Variants in SORCS1 observed in about 807,000 individuals in gnomAD.
SORCS1 encodes the protein sortilin related VPS10 domain containing receptor 1, also known as VPS10 domain-containing receptor SorCS1.
SORCS1 carries 60 observed loss-of-function variants against 146.1 expected under a neutral mutation model. The observed-to-expected ratio is 0.41, with a 90% CI of 0.33 to 0.51. SORCS1 has a LOEUF of 0.51. Among genes scored for constraint, SORCS1 ranks in the 20% least tolerant of loss-of-function variants. The pLI is 0.21. For synonymous variants in SORCS1, 637 were observed against 584.0 expected (o/e 1.09, Z -1.31); for missense variants, 1,352 against 1,487.6 (o/e 0.91, Z 1.50).
At chr10:107,109,362 T>C (rs1965522428) in intron 1 of SORCS1, among the ~76,000 whole-genome samples, 1 of 152,236 alleles carries the variant, frequency 6.6e-6, no homozygotes, top group South Asian at 2.1e-4. Context: ...AGGCCAAGCC[T>C]CCTTTACTCA....
chr10:107,164,304 G>A lies in SORCS1; in HGVS notation c.223C>T (p.Arg75Cys), dbSNP rs1262994826. The change falls in exon 1 of 26, where the codon CGT (arginine) becomes TGT (cysteine). Residue 75 changes from arginine (R) to cysteine (C), a missense_variant. Coordinates refer to ENST00000263054, the MANE Select transcript of SORCS1 (RefSeq NM_052918.5). This position sits in a 1 kb window ranked among gnomAD's most constrained non-coding sequence, Gnocchi z 6.8. The stretch of plus-strand genomic sequence containing the variant: ...CCGGGGGCCACTGAGAACAGGGGAC[G>A]CACTACGAGGGGCAGGGGCGTGGCA... ...APATPLPLVV[R>C]PLFSVAPGDR... 3 of 1,581,634 alleles carry A rather than the reference G, an allele frequency of 1.9e-6. No individual in the cohort carries two copies. The highest frequency in any genetic ancestry group is 2.6e-6 in the Non-Finnish European group (3 of 1,168,212).
intron 18 of SORCS1, among the ~76,000 whole-genome samples, chr10:106,648,058 T>C (rs995187559): frequency 1.3e-5 from 2 of 152,004 alleles, no homozygotes; most frequent in Non-Finnish European, 2.9e-5. Flanking sequence ...TTTTATTTTT[T>C]TGGTAGTTGT....
intron 18 of SORCS1, among the ~76,000 whole-genome samples, chr10:106,636,620 G>A (rs1425886742): frequency 6.6e-6 from 1 of 152,114 alleles, no homozygotes; most frequent in Non-Finnish European, 1.5e-5. Flanking sequence ...TCACTATTAT[G>A]AAAACAGCAT....
intron 15 of SORCS1, among the ~76,000 whole-genome samples, chr10:106,672,023 G>C (rs1027056604): frequency 6.6e-6 from 1 of 152,170 alleles, no homozygotes; most frequent in Non-Finnish European, 1.5e-5. Flanking sequence ...CTAACGCAGG[G>C]CCCACTATCA....
chr10:106,600,349 T>A (rs1265032308), intron 23 of SORCS1: 2 of 975,156 alleles, frequency 2.1e-6, no homozygotes, highest in Non-Finnish European at 2.4e-6. Context: ...ACGTTTCATA[T>A]ATTTAACTTG....
intron 5 of SORCS1, among the ~76,000 whole-genome samples, chr10:106,750,491 G>A (rs374926858): frequency 2.0e-5 from 3 of 151,890 alleles, no homozygotes; most frequent in Non-Finnish European, 2.9e-5. Flanking sequence ...AGCACTTTGG[G>A]AGGCCGAGGC....
intron 2 of SORCS1, among the ~76,000 whole-genome samples, chr10:106,860,176 A>C (rs1163753910): frequency 6.6e-6 from 1 of 152,236 alleles, no homozygotes; most frequent in Admixed American, 6.5e-5. Flanking sequence ...AAAATGTATT[A>C]TATATCAGTT....
chr10:106,723,206 C>T (rs1855902559), intron 6 of SORCS1, among the ~76,000 whole-genome samples: 2 of 152,078 alleles, frequency 1.3e-5, no homozygotes, highest in Admixed American at 1.3e-4. Flanking sequence ...TCTAAGTTAT[C>T]TTTTGGACAT....
chr10:106,854,170 G>C (rs1014204331), intron 2 of SORCS1, among the ~76,000 whole-genome samples: 1 of 151,856 alleles, frequency 6.6e-6, no homozygotes, highest in Admixed American at 6.6e-5. Context: ...ATGTCTTCTT[G>C]GCATATTGAC....
At chr10:106,929,143 C>CAG (rs1178578345) in intron 2 of SORCS1, among the ~76,000 whole-genome samples, 1 of 152,152 alleles carries the variant, frequency 6.6e-6, no homozygotes, top group Non-Finnish European at 1.5e-5. Context: ...AGAACTGCTT[C>CAG]ATGTTCAAGG....
chr10:106,893,522 ATAAGT>A (rs1283405268), intron 2 of SORCS1, among the ~76,000 whole-genome samples: 1 of 152,218 alleles, frequency 6.6e-6, no homozygotes, highest in Non-Finnish European at 1.5e-5. Context: ...TATGAAATAA[ATAAGT>A]TAATGATGAA....
intron 2 of SORCS1, among the ~76,000 whole-genome samples, chr10:106,951,418 G>A (rs565029948): frequency 6.6e-6 from 1 of 151,062 alleles, no homozygotes; most frequent in South Asian, 2.1e-4. Flanking sequence ...GCTGAAGCAA[G>A]AGAATGGCGG....
rs147172683 is a variant in SORCS1, at chr10:106,863,422, C to A, written c.627-33749G>T. Among the ~76,000 whole-genome samples, 250 of 151,398 alleles carry A rather than the reference C, an allele frequency of 1.7e-3. 1 individual carries two copies. The highest frequency in any genetic ancestry group is 5.7e-3 in the African/African-American group (234 of 41,246). ...CACCTGTCATCTCAGCTACTCAGGA[C>A]ACTGAGGCAAGAGAATCACTTGAAC... is the stretch of plus-strand genomic sequence containing the variant. On this transcript the variant is annotated intron_variant, in intron 2 of 25. Transcript: ENST00000263054.
chr10:106,600,868 T>C (rs192949122), intron 23 of SORCS1: 123 of 234,998 alleles, frequency 5.2e-4, no homozygotes, highest in Non-Finnish European at 7.5e-4. Context: ...CAGAAGAGAG[T>C]TGGAGAGACG....
At chr10:106,726,875 A>G (rs1856235052) in intron 6 of SORCS1, among the ~76,000 whole-genome samples, 4 of 152,082 alleles carry the variant, frequency 2.6e-5, no homozygotes, top group Admixed American at 2.6e-4. Context: ...TCACGAGGTG[A>G]GGAGATCGAG....
chr10:106,761,202 T>C (rs2136249337), intron 5 of SORCS1, among the ~76,000 whole-genome samples: 1 of 152,312 alleles, frequency 6.6e-6, no homozygotes, highest in Non-Finnish European at 1.5e-5. Flanking sequence ...AACCTACTTA[T>C]TTAGACTGAA....
intron 1 of SORCS1, among the ~76,000 whole-genome samples, chr10:107,007,557 T>C (rs1357269032): frequency 6.6e-6 from 1 of 152,174 alleles, no homozygotes; most frequent in Non-Finnish European, 1.5e-5. Context: ...TCACGCCTCA[T>C]ACAACTGCCA....
chr10:106,970,336 C>CTTTTTTTTTTTTTTTTTTTTT lies in SORCS1; in HGVS notation c.559-13757_559-13756insAAAAAAAAAAAAAAAAAAAAA, dbSNP rs766818370. On this transcript the variant is annotated intron_variant, in intron 1 of 25. Transcript: ENST00000263054. Reference sequence around the variant, plus strand: ...TTCCCTCCAAATGTAACCAACATCTCTTTTTTTTTTTTTTTTTTTGAGATG... The same window carrying CTTTTTTTTTTTTTTTTTTTTT: ...TTCCCTCCAAATGTAACCAACATCTCTTTTTTTTTTTTTTTTTTTTTTTTTTTTTTTTTTTTTTTTGAGATG... Among the ~76,000 whole-genome samples the CTTTTTTTTTTTTTTTTTTTTT allele has an allele frequency of 7.0e-4, 63 of 89,428 alleles. 12 individuals carry two copies. The highest frequency in any genetic ancestry group is 9.1e-3 in the Middle Eastern group (1 of 110). The allele number at this position is 89,428 out of a possible 152,430, so 58.7% of individuals were successfully genotyped here.
At chr10:106,592,492 C>T (rs1845658793) in intron 24 of SORCS1, among the ~76,000 whole-genome samples, 1 of 152,108 alleles carries the variant, frequency 6.6e-6, no homozygotes, top group South Asian at 2.1e-4. Context: ...GGAGACAAAC[C>T]AAATTATGCA....
Sources: gnomAD v4.1 joint callset for allele counts (sites outside exome capture counted in the v4.1 genomes callset) on GRCh38, gnomAD v4.1.1 for gene constraint, Gnocchi (gnomAD v3.1) non-coding constraint, MANE v1.5 for transcripts, NCBI Gene and HGNC (gene_info 2026-07-23, HGNC 2026-07-21) for gene names.